PRELID2: variants seen among roughly 807,000 people sequenced by gnomAD.
PRELID2 encodes the protein PRELI domain containing 2.
Under a neutral mutation model 28.4 loss-of-function variants are expected in PRELID2, and 25 were observed. The ratio of observed to expected loss-of-function variants is 0.88; its 90% CI spans 0.64 to 1.23. The LOEUF (loss-of-function observed/expected upper bound fraction) is 1.23. PRELID2 is among the 50% of genes most tolerant of loss of function. The probability of loss-of-function intolerance (pLI) is 0.00; values close to 1 mark genes in which losing one functional copy is unlikely to be tolerated. For synonymous variants in PRELID2, 76 were observed against 71.6 expected, an observed-to-expected ratio of 1.06 and a Z score of -0.31; for missense variants, 201 against 214.4, an observed-to-expected ratio of 0.94 and a Z score of 0.39.
chr5:145,656,683 A>G (rs1754402020), intron 1 of PRELID2, among the ~76,000 whole-genome samples: 2 of 148,846 alleles, frequency 1.3e-5, no homozygotes, highest in Admixed American at 6.8e-5. Flanking sequence ...GTTCTCATTC[A>G]TAGGTGGAAA....
At chr5:145,346,241 A>G in the PRELID2 span, among the ~76,000 whole-genome samples, 17 of 152,140 alleles carry the variant, frequency 1.1e-4, no homozygotes, top group African/African-American at 3.6e-4. Context: ...TCCTCTAAAG[A>G]TAAAAACTCA....
chr5:145,257,881 G>A, the PRELID2 span, among the ~76,000 whole-genome samples: 9 of 152,220 alleles, frequency 5.9e-5, no homozygotes, highest in South Asian at 1.2e-3. Context: ...GGGGCCTGGC[G>A]GGAGGTGATT....
intron 1 of PRELID2, among the ~76,000 whole-genome samples, chr5:145,538,497 A>C (rs967902766): frequency 2.0e-5 from 3 of 151,964 alleles, no homozygotes; most frequent in Non-Finnish European, 4.4e-5. Flanking sequence ...CAATGGCCAC[A>C]TGTGGCAAGT....
At chr5:145,821,040 TTCTA>T (rs1754746830) in intron 2 of PRELID2, among the ~76,000 whole-genome samples, 1 of 151,996 alleles carries the variant, frequency 6.6e-6, no homozygotes, top group Non-Finnish European at 1.5e-5. Flanking sequence ...TTCAGGTATT[TTCTA>T]TCTATTAGAA....
chr5:145,416,986 A>C, the PRELID2 span, among the ~76,000 whole-genome samples: 2 of 152,070 alleles, frequency 1.3e-5, no homozygotes, highest in South Asian at 4.2e-4. Context: ...TAGTTTTTTG[A>C]AAAAATTAAT....
intron 5 of PRELID2, among the ~76,000 whole-genome samples, chr5:145,778,818 G>T (rs1758584816): frequency 6.6e-6 from 1 of 152,216 alleles, no homozygotes; most frequent in South Asian, 2.1e-4. Flanking sequence ...GGTGGAATGA[G>T]CCCAGCAGGC....
At chr5:145,808,618 C>T (rs13172860) in intron 4 of PRELID2, among the ~76,000 whole-genome samples, 20,378 of 152,050 alleles carry the variant, frequency 0.13, 1,514 homozygotes, top group East Asian at 0.22. Flanking sequence ...GGCGCAGAGA[C>T]TCACGCCAGG....
the PRELID2 span, among the ~76,000 whole-genome samples, chr5:145,376,615 T>A: frequency 2.0e-5 from 3 of 152,174 alleles, no homozygotes; most frequent in Non-Finnish European, 4.4e-5. Flanking sequence ...CCTGGTTCAG[T>A]CTTAAGAGGC....
At chr5:145,755,757 A>G (rs1320899862), downstream of PRELID2, among the ~76,000 whole-genome samples, 2 of 152,198 alleles carry the variant, frequency 1.3e-5, no homozygotes, top group Non-Finnish European at 2.9e-5. Flanking sequence ...CCAAAAGAGA[A>G]AACAAATCCT....
intron 1 of PRELID2, among the ~76,000 whole-genome samples, chr5:145,713,861 G>A (rs1347112170): frequency 6.6e-6 from 1 of 150,922 alleles, no homozygotes; most frequent in Non-Finnish European, 1.5e-5. Context: ...ACATTTTAAA[G>A]TGCTGAAAGA....
At chr5:145,389,325 T>C in the PRELID2 span, among the ~76,000 whole-genome samples, 2 of 152,102 alleles carry the variant, frequency 1.3e-5, no homozygotes, top group Non-Finnish European at 2.9e-5. Context: ...TTGTGAATGC[T>C]GTAATGTAAC....
At chr5:145,742,039 TAATA>T (rs1238126859) in intron 1 of PRELID2, among the ~76,000 whole-genome samples, 9 of 127,994 alleles carry the variant, frequency 7.0e-5, no homozygotes, top group Non-Finnish European at 9.3e-5. Flanking sequence ...TATTCATTAA[TAATA>T]AATAAATTTT....
the PRELID2 span, among the ~76,000 whole-genome samples, chr5:145,261,089 G>A: frequency 6.6e-6 from 1 of 152,112 alleles, no homozygotes; most frequent in African/African-American, 2.4e-5. Flanking sequence ...AGCAGAGGCA[G>A]CTATAATCCA....
At chr5:145,662,901 C>T (rs756893483) in intron 1 of PRELID2, among the ~76,000 whole-genome samples, 35 of 152,120 alleles carry the variant, frequency 2.3e-4, no homozygotes, top group Non-Finnish European at 7.3e-5. Flanking sequence ...TGATAAGCAA[C>T]AGAAGACAGA....
chr5:145,587,827 A>G (rs779439436), intron 1 of PRELID2, among the ~76,000 whole-genome samples: 1 of 152,180 alleles, frequency 6.6e-6, no homozygotes, highest in Non-Finnish European at 1.5e-5. Flanking sequence ...AGCTACTCCC[A>G]GGCTGAAAAC....
chr5:145,471,264 C>G (rs762790732), downstream of PRELID2, among the ~76,000 whole-genome samples: 2 of 152,094 alleles, frequency 1.3e-5, no homozygotes, highest in Non-Finnish European at 2.9e-5. Flanking sequence ...ACATTCAGAA[C>G]AACTTCAGAG....
chr5:145,294,922 G>A, the PRELID2 span, among the ~76,000 whole-genome samples: 1 of 152,070 alleles, frequency 6.6e-6, no homozygotes, highest in Admixed American at 6.6e-5. Context: ...GAAGGTTGCT[G>A]TCCAAACAAC....
At chr5:145,812,319 T>G (rs1362683979) in intron 4 of PRELID2, among the ~76,000 whole-genome samples, 2 of 151,648 alleles carry the variant, frequency 1.3e-5, no homozygotes, top group Non-Finnish European at 2.9e-5. Context: ...ATAAGAGCTA[T>G]GGAAATACTG....
chr5:145,247,002 G>T, the PRELID2 span, among the ~76,000 whole-genome samples: 1 of 152,196 alleles, frequency 6.6e-6, no homozygotes, highest in Non-Finnish European at 1.5e-5. Flanking sequence ...GCCTCTGGCT[G>T]CAAGAGTCTG....
Sources: gnomAD v4.1 joint callset for allele counts (sites outside exome capture counted in the v4.1 genomes callset) on GRCh38, gnomAD v4.1.1 for gene constraint, MANE v1.5 for transcripts, NCBI Gene and HGNC (gene_info 2026-07-23, HGNC 2026-07-21) for gene names.